The following TLR5 variants were observed in gnomAD, a reference collection of about 807,000 sequenced individuals.
TLR5 encodes the protein toll-like receptor 5.
For missense variants in TLR5, 944 were observed against 999.8 expected (o/e 0.94, Z 0.75); for synonymous variants, 373 against 384.4 (o/e 0.97, Z 0.35).
chr1:223,128,746 A>G (rs982286376), intron 5 of TLR5: 1 of 152,162 alleles, frequency 6.6e-6, no homozygotes, highest in Admixed American at 6.6e-5. Flanking sequence ...GTGAGTCTTC[A>G]TTTGCAACTT....
intron 5 of TLR5, among the ~76,000 whole-genome samples, chr1:223,114,851 T>C (rs1656547432): frequency 6.6e-6 from 1 of 151,826 alleles, no homozygotes. Flanking sequence ...CACAGCAGAG[T>C]CTTTTAAACA....
intron 5 of TLR5, among the ~76,000 whole-genome samples, chr1:223,116,911 C>CCGCGTCAGGGCTAGGGGCAGAGCTG (rs1656685211): frequency 6.6e-6 from 1 of 152,226 alleles, no homozygotes; most frequent in Admixed American, 6.5e-5. Context: ...CTAGTGGATC[C>CCGCGTCAGGGCTAGGGGCAGAGCTG]CGCGTCAGGG....
At chr1:223,121,408 G>A (rs1656948091) in intron 5 of TLR5, among the ~76,000 whole-genome samples, 1 of 152,222 alleles carries the variant, frequency 6.6e-6, no homozygotes, top group Non-Finnish European at 1.5e-5. Context: ...TGACAGTGCT[G>A]CAGTGCCGAG....
intron 5 of TLR5, among the ~76,000 whole-genome samples, chr1:223,120,427 G>C (rs1395518421): frequency 5.9e-5 from 9 of 152,072 alleles, no homozygotes; most frequent in African/African-American, 2.2e-4. Context: ...CCTACCTTTC[G>C]GACAAACCAA....
At chr1:223,140,301 C>T (rs1330622192) in intron 2 of TLR5, among the ~76,000 whole-genome samples, 2 of 152,142 alleles carry the variant, frequency 1.3e-5, no homozygotes, top group Non-Finnish European at 2.9e-5. Context: ...AATCCTAGCA[C>T]TTTGGGAGGC....
chr1:223,135,801 C>T (rs560144009), intron 3 of TLR5, among the ~76,000 whole-genome samples: 3 of 152,142 alleles, frequency 2.0e-5, no homozygotes, highest in South Asian at 2.1e-4. Context: ...ATTAATGTAC[C>T]GATGAAAAAA....
chr1:223,111,982 T>G lies in TLR5; in HGVS notation c.1050A>C (p.Glu350Asp). The part of the protein sequence containing the change: ...VLNLSYNLLG[E>D]LYSSNFYGLP... ...GTCCATAGAAATTCGAACTGTAAAG[T>G]TCCCCCAGAAGGTTATATGACAAAT... Residue 350 changes from glutamate to aspartate, a missense_variant, in exon 6 of 6, where the codon GAA (glutamate) becomes GAC (aspartate). Transcript: ENST00000642603. The G allele has an allele frequency of 1.2e-6, 2 of 1,614,188 alleles. No homozygotes were observed. The highest frequency in any genetic ancestry group is 1.7e-6 in the Non-Finnish European group (2 of 1,180,034).
chr1:223,137,126 T>C (rs776522550), intron 3 of TLR5, 52 bp downstream of exon 3: 12 of 152,244 alleles, frequency 7.9e-5, no homozygotes, highest in East Asian at 5.8e-4. Context: ...CCTGGCCTTA[T>C]TGACTATTAA....
chr1:223,113,774 A>T (rs1656491493), intron 5 of TLR5, among the ~76,000 whole-genome samples: 1 of 152,090 alleles, frequency 6.6e-6, no homozygotes. Context: ...CTTAATCCTT[A>T]TAATAACTCT....
intron 5 of TLR5, among the ~76,000 whole-genome samples, chr1:223,122,355 G>T (rs1421756288): frequency 1.3e-5 from 2 of 152,194 alleles, no homozygotes; most frequent in Non-Finnish European, 2.9e-5. Flanking sequence ...CGTGCAATTG[G>T]AAGGCTGTGA....
At chr1:223,129,982 A>G (rs571727721) in intron 5 of TLR5, among the ~76,000 whole-genome samples, 2 of 152,270 alleles carry the variant, frequency 1.3e-5, no homozygotes, top group Non-Finnish European at 2.9e-5. Context: ...AAGCACGTCT[A>G]TTAAGTGTAG....
chr1:223,123,259 G>C (rs1360131319), intron 5 of TLR5, among the ~76,000 whole-genome samples: 1 of 152,108 alleles, frequency 6.6e-6, no homozygotes, highest in Non-Finnish European at 1.5e-5. Flanking sequence ...ACATTTTTTA[G>C]TTTAAATTCT....
Position 223,111,288 on chromosome 1 carries a change from T to C in TLR5, c.1744A>G (p.Ile582Val). The change falls in exon 6 of 6, where the codon ATT (isoleucine) becomes GTT (valine). Residue 582 changes from isoleucine (I) to valine (V), a missense_variant. Ile to Val is a conservative substitution (Grantham distance 29). Transcript: ENST00000642603. ...SVLDITHNKF[I>V]CECELSTFIN... is the part of the protein sequence containing the mutation. ...AAAGTGCTAAGTTCACATTCACAAATGAACTTGTTATGAGTTATATCCAAG... is the reference window on the plus strand; with the variant it reads ...AAAGTGCTAAGTTCACATTCACAAACGAACTTGTTATGAGTTATATCCAAG... The C allele has an allele frequency of 6.2e-7, 1 of 1,614,146 alleles. No individual in the cohort carries two copies. Among genetic ancestry groups the C allele is most frequent in the Non-Finnish European group, 8.5e-7 (1 of 1,180,038 alleles).
intron 5 of TLR5, among the ~76,000 whole-genome samples, chr1:223,119,700 C>T (rs1044859980): frequency 7.2e-5 from 11 of 152,024 alleles, no homozygotes; most frequent in African/African-American, 2.4e-4. Flanking sequence ...TGGCTCATGC[C>T]TGTAATCCCA....
Position 223,111,116 on chromosome 1 carries a change from T to C in TLR5, c.1916A>G (p.Lys639Arg). ...CDEEEVLKSLKFSLFIVCTVT... is the reference protein window; with the variant it reads ...CDEEEVLKSLRFSLFIVCTVT... Reference sequence around the variant, plus strand: ...AGTGCATACAATGAAAAGGGAGAACTTTAGGGACTTTAAGACTTCCTCTTC... The same window carrying C: ...AGTGCATACAATGAAAAGGGAGAACCTTAGGGACTTTAAGACTTCCTCTTC... Residue 639 changes from lysine to arginine, a missense_variant, in exon 6 of 6, where the codon AAG (lysine) becomes AGG (arginine). Transcript: ENST00000642603. The C allele has an allele frequency of 6.2e-7, 1 of 1,614,152 alleles. No individual in the cohort carries two copies. The highest frequency in any genetic ancestry group is 1.1e-5 in the South Asian group (1 of 91,076).
chr1:223,132,068 A>C (rs851186), intron 5 of TLR5, among the ~76,000 whole-genome samples: 95,904 of 151,840 alleles, frequency 0.63, 30,896 homozygotes, highest in East Asian at 0.79. Flanking sequence ...CTCCATTAAT[A>C]TTTTGAAGAC....
intron 5 of TLR5, among the ~76,000 whole-genome samples, chr1:223,122,261 A>G (rs1656984767): frequency 1.3e-5 from 2 of 152,238 alleles, no homozygotes; most frequent in Non-Finnish European, 2.9e-5. Context: ...AATAGAATCT[A>G]TGAAGAGAGG....
Position 223,111,865 on chromosome 1 carries a change from C to T in TLR5, c.1167G>A (p.Leu389=). Residue 389 remains leucine (L), a synonymous_variant, in exon 6 of 6, where the codon TTG becomes TTA. Transcript: ENST00000642603. The stretch of plus-strand genomic sequence containing the variant: ...TTGTAAGAGCATTGTCTCGGAGATC[C>T]AAGGTCTGTAATTTTTCCAGGAATT... ...TFKFLEKLQT[L]DLRDNALTTI... 1 of 1,613,874 alleles carries T rather than the reference C, an allele frequency of 6.2e-7. No individual in the cohort carries two copies. Among genetic ancestry groups the T allele is most frequent in the East Asian group, 2.2e-5 (1 of 44,874 alleles).
chr1:223,122,664 G>A (rs1170248802), intron 5 of TLR5, among the ~76,000 whole-genome samples: 1 of 152,194 alleles, frequency 6.6e-6, no homozygotes, highest in African/African-American at 2.4e-5. Flanking sequence ...GGATGTTATG[G>A]TGGGCTCTCA....
Sources: allele counts gnomAD v4.1 joint callset (sites outside exome capture counted in the v4.1 genomes callset), GRCh38; gene constraint gnomAD v4.1.1; transcripts MANE v1.5; gene names NCBI Gene and HGNC (gene_info 2026-07-23, HGNC 2026-07-21).